Variants in TCF7L1 observed in about 807,000 individuals in gnomAD.
TCF7L1 encodes the protein transcription factor 7-like 1.
Under a neutral mutation model 63.7 loss-of-function variants are expected in TCF7L1, and 18 were observed. The ratio of observed to expected loss-of-function variants is 0.28; its 90% CI spans 0.20 to 0.42. The LOEUF (loss-of-function observed/expected upper bound fraction) is 0.42. Ranked by LOEUF, TCF7L1 falls within the 10% of genes least tolerant of loss-of-function variation. TCF7L1 has a pLI of 1.00. For missense variants in TCF7L1, 654 were observed against 779.3 expected (o/e 0.84, Z 1.91); for synonymous variants, 355 against 340.9 (o/e 1.04, Z -0.46).
At chr2:85,167,145 C>T (rs192282800) in intron 3 of TCF7L1, 2 of 152,354 alleles carry the variant, frequency 1.3e-5, no homozygotes, top group Admixed American at 1.3e-4. Context: ...CAGCTAAGTA[C>T]TTACCTTTAT....
intron 4 of TCF7L1, among the ~76,000 whole-genome samples, chr2:85,300,160 G>A (rs967519233): frequency 3.3e-5 from 5 of 151,938 alleles, no homozygotes; most frequent in African/African-American, 1.2e-4. Context: ...AATATAACTT[G>A]TTTACATTTT....
intron 3 of TCF7L1, among the ~76,000 whole-genome samples, chr2:85,138,799 C>A (rs1006753526): frequency 6.6e-5 from 10 of 152,062 alleles, no homozygotes; most frequent in African/African-American, 1.4e-4. Context: ...ACACACACAC[C>A]CCCACCCAAT....
At chr2:85,187,586 G>A (rs972374742) in intron 3 of TCF7L1, among the ~76,000 whole-genome samples, 2 of 152,134 alleles carry the variant, frequency 1.3e-5, no homozygotes, top group Non-Finnish European at 2.9e-5. Flanking sequence ...AGCACACTTT[G>A]TTGAAAGGAC....
At chr2:85,213,278 G>A (rs1679616998) in intron 3 of TCF7L1, among the ~76,000 whole-genome samples, 1 of 152,120 alleles carries the variant, frequency 6.6e-6, no homozygotes, top group African/African-American at 2.4e-5. Context: ...TGTCTACACT[G>A]ATTTTAAGTT....
At chr2:85,175,821 G>T (rs1156503337) in intron 3 of TCF7L1, among the ~76,000 whole-genome samples, 1 of 152,208 alleles carries the variant, frequency 6.6e-6, no homozygotes, top group East Asian at 1.9e-4. Context: ...CAATACTTTG[G>T]ACTCTCTCAA....
At chr2:85,148,201 G>A (rs532741721) in intron 3 of TCF7L1, among the ~76,000 whole-genome samples, 6 of 152,148 alleles carry the variant, frequency 3.9e-5, no homozygotes, top group Non-Finnish European at 7.3e-5. Context: ...GCAAAGGAGA[G>A]TTAATGCAGG....
chr2:85,261,121 C>CTGGT (rs1040132084), intron 3 of TCF7L1, among the ~76,000 whole-genome samples: 3 of 110,526 alleles, frequency 2.7e-5, no homozygotes, highest in African/African-American at 1.0e-4. Flanking sequence ...TCAATTATTG[C>CTGGT]TGGTGTGTGT....
intron 3 of TCF7L1, chr2:85,262,378 A>C (rs1573015276): frequency 4.8e-6 from 2 of 420,110 alleles, no homozygotes; most frequent in Non-Finnish European, 9.6e-6. Flanking sequence ...GAATCAAGAC[A>C]CCGTCTCTTA....
intron 4 of TCF7L1, 76 bp from the exon 5 acceptor site, chr2:85,302,408 T>G (rs1682002936): frequency 6.2e-7 from 1 of 1,604,320 alleles, no homozygotes; most frequent in African/African-American, 1.3e-5. Context: ...TGGCACTTAC[T>G]TGATTCCATA....
chr2:85,212,850 C>T (rs1679605815), intron 3 of TCF7L1, among the ~76,000 whole-genome samples: 1 of 152,120 alleles, frequency 6.6e-6, no homozygotes, highest in Non-Finnish European at 1.5e-5. Context: ...TGGGCAAGGT[C>T]ACTGTGGGGT....
At chr2:85,277,529 C>A (rs1243994150) in intron 3 of TCF7L1, among the ~76,000 whole-genome samples, 1 of 152,092 alleles carries the variant, frequency 6.6e-6, no homozygotes, top group African/African-American at 2.4e-5. Context: ...CCCAAAGTCA[C>A]TGTTTACCAT....
intron 11 of TCF7L1, among the ~76,000 whole-genome samples, chr2:85,308,429 T>TCCCTTCC (rs1682180425): frequency 9.7e-5 from 3 of 30,980 alleles, no homozygotes; most frequent in African/African-American, 3.7e-4. Flanking sequence ...CCCTCCCTCC[T>TCCCTTCC]TTTCTCCCTC....
chr2:85,232,540 G>A (rs373456927), intron 3 of TCF7L1, among the ~76,000 whole-genome samples: 61 of 152,264 alleles, frequency 4.0e-4, no homozygotes, highest in African/African-American at 1.4e-3. Flanking sequence ...GTGAGGTCTT[G>A]TTGACCCCTT....
At chr2:85,211,986 A>T (rs1251415339) in intron 3 of TCF7L1, among the ~76,000 whole-genome samples, 3 of 146,076 alleles carry the variant, frequency 2.1e-5, no homozygotes, top group Non-Finnish European at 4.5e-5. Context: ...GCTACTCGGG[A>T]TGCTGAGGCA....
intron 3 of TCF7L1, among the ~76,000 whole-genome samples, chr2:85,206,334 C>T (rs548287254): frequency 2.7e-4 from 41 of 152,338 alleles, no homozygotes; most frequent in African/African-American, 9.6e-4. Flanking sequence ...TGTTTGACCA[C>T]AAAATGTGTC....
At chr2:85,197,941 G>C (rs1679194447) in intron 3 of TCF7L1, among the ~76,000 whole-genome samples, 1 of 152,202 alleles carries the variant, frequency 6.6e-6, no homozygotes, top group African/African-American at 2.4e-5. Context: ...GCCTGAGTGA[G>C]GAAGTAGAGG....
At chr2:85,135,242 C>G (rs1463692736) in intron 3 of TCF7L1, among the ~76,000 whole-genome samples, 2 of 152,182 alleles carry the variant, frequency 1.3e-5, no homozygotes, top group Admixed American at 6.5e-5. Flanking sequence ...CTCCCGCCCC[C>G]CGCGTTGCGA....
intron 3 of TCF7L1, among the ~76,000 whole-genome samples, chr2:85,149,116 CAG>C (rs754497497): frequency 9.2e-5 from 14 of 152,012 alleles, no homozygotes; most frequent in Non-Finnish European, 1.3e-4. Flanking sequence ...TAAATGGAGT[CAG>C]GGGAGAGGCC....
Position 85,133,705 on chromosome 2 carries a change from GGGCGGC to G in TCF7L1, c.37_42del (p.Gly13_Gly14del), listed in dbSNP as rs566806913. The G allele has an allele frequency of 1.4e-4, 151 of 1,074,504 alleles. No individual in the cohort carries two copies. The highest frequency in any genetic ancestry group is 4.1e-4 in the Middle Eastern group (1 of 2,462). 66.6% of individuals were successfully genotyped at this position (1,074,504 alleles called of 1,614,324 possible). On this transcript the variant is annotated inframe_deletion, in exon 1 of 12. Transcript: ENST00000282111. The surrounding 1 kb of genome is among the most constrained non-coding windows in gnomAD (Gnocchi z 4.4). ...CCACCATGCCCCAGCTCGGCGGCGG[GGGCGGC>G]GGCGGCGGCGGCGGCAGCGGGGGAG...
Sources: allele counts gnomAD v4.1 joint callset (sites outside exome capture counted in the v4.1 genomes callset), GRCh38; gene constraint gnomAD v4.1.1; non-coding constraint Gnocchi (gnomAD v3.1); transcripts MANE v1.5; gene names NCBI Gene and HGNC (gene_info 2026-07-23, HGNC 2026-07-21).